Variants in MLKL observed in about 807,000 individuals in gnomAD.
MLKL encodes the protein mixed lineage kinase domain like pseudokinase.
MLKL carries 55 observed loss-of-function variants against 56.5 expected under a neutral mutation model. The ratio of observed to expected loss-of-function variants is 0.97; its 90% CI spans 0.78 to 1.22. MLKL has a LOEUF of 1.22. MLKL is among the 50% of genes most tolerant of loss of function. The pLI is 0.00. For synonymous variants in MLKL, 251 were observed against 208.3 expected, an observed-to-expected ratio of 1.20 and a Z score of -1.76; for missense variants, 694 against 573.9, an observed-to-expected ratio of 1.21 and a Z score of -2.14.
intron 4 of MLKL, among the ~76,000 whole-genome samples, chr16:74,688,272 C>T (rs1567612402): frequency 6.6e-6 from 1 of 152,164 alleles, no homozygotes; most frequent in Non-Finnish European, 1.5e-5. Context: ...GCCAGGCCAG[C>T]ACAGTCTTTT....
intron 4 of MLKL, among the ~76,000 whole-genome samples, chr16:74,689,631 A>C (rs955747302): frequency 6.6e-6 from 1 of 152,182 alleles, no homozygotes; most frequent in Admixed American, 6.6e-5. Context: ...CAGATATCGA[A>C]ATTTACTGCA....
At chr16:74,672,890 C>T (rs1410576425) in intron 10 of MLKL, among the ~76,000 whole-genome samples, 1 of 152,178 alleles carries the variant, frequency 6.6e-6, no homozygotes, top group Non-Finnish European at 1.5e-5. Flanking sequence ...GTATAAATCA[C>T]TGTTGGCTTC....
At chr16:74,675,252 A>G (rs1428387507) in intron 9 of MLKL, 103 bp downstream of exon 9, 15 of 1,582,636 alleles carry the variant, frequency 9.5e-6, no homozygotes, top group East Asian at 2.2e-5. Context: ...CAGTTCCCAC[A>G]TTAAACAACA....
chr16:74,678,443 T>C (rs1959740114), intron 7 of MLKL: 1 of 169,110 alleles, frequency 5.9e-6, no homozygotes, highest in Non-Finnish European at 1.3e-5. Flanking sequence ...ACACAGAAAG[T>C]TGAAGTTAGT....
At chr16:74,693,703 AC>A in intron 2 of MLKL, among the ~76,000 whole-genome samples, 1 of 148,916 alleles carries the variant, frequency 6.7e-6, no homozygotes, top group African/African-American at 2.5e-5. Context: ...CGCGGGGTTC[AC>A]GCCATTCCCC....
chr16:74,679,735 C>A (rs1311820270), intron 6 of MLKL, among the ~76,000 whole-genome samples: 3 of 152,024 alleles, frequency 2.0e-5, no homozygotes, highest in East Asian at 1.9e-4. Context: ...GAATCACTTG[C>A]ACCCAGGAGG....
At chr16:74,675,842 A>G (rs1158549045) in intron 7 of MLKL, 78 bp from the exon 8 acceptor site, 1 of 1,423,988 alleles carries the variant, frequency 7.0e-7, no homozygotes, top group Non-Finnish European at 9.7e-7. Context: ...GTTGCTACAC[A>G]CAATTGCCAG....
rs1960058160 is a variant in MLKL, at chr16:74,682,673, C to G, written c.934G>C (p.Gly312Arg). The part of the protein sequence containing the change: ...TLGKRMVLVL[G>R]AARGLYRLHH... The stretch of plus-strand genomic sequence containing the variant: ...TACCGGTATAGGCCTCGGGCTGCCC[C>G]CAGGACTAGGACCATGCGCTTGCCA... The change falls in exon 6 of 11, where the codon GGG becomes CGG. Residue 312 changes from glycine (G) to arginine (R), a missense_variant. Gly to Arg is a moderately radical substitution (Grantham distance 125, BLOSUM62 -2). Transcript: ENST00000308807. 1.9e-5 allele frequency: 31 copies of G among 1,614,040 alleles called. No individual in the cohort carries two copies. The highest frequency in any genetic ancestry group is 2.5e-5 in the Non-Finnish European group (30 of 1,180,032).
At chr16:74,688,028 A>G (rs554256445) in intron 4 of MLKL, among the ~76,000 whole-genome samples, 196 of 152,264 alleles carry the variant, frequency 1.3e-3, no homozygotes, top group Middle Eastern at 3.4e-3. Context: ...GTTTCACCAT[A>G]TTAGCCAGGA....
chr16:74,695,820 C>G (rs1961005130), intron 1 of MLKL, 61 bp from the exon 2 acceptor site: 1 of 1,424,082 alleles, frequency 7.0e-7, no homozygotes, highest in Non-Finnish European at 9.4e-7. Flanking sequence ...CACTACTTGG[C>G]TAAGAAAGAA....
chr16:74,678,808 C>T (rs1959763848), intron 7 of MLKL, 91 bp downstream of exon 7: 2 of 908,400 alleles, frequency 2.2e-6, no homozygotes, highest in African/African-American at 1.7e-5. Context: ...TAAACTAAGA[C>T]AAGAATCAAG....
In MLKL at chr16:74,692,354, T is replaced by C; in HGVS notation, c.523A>G (p.Thr175Ala). The C allele has an allele frequency of 1.9e-6, 3 of 1,613,602 alleles. No homozygotes were observed. Among genetic ancestry groups the C allele is most frequent in the Non-Finnish European group, 2.5e-6 (3 of 1,179,878 alleles). Residue 175 changes from threonine (T) to alanine (A), a missense_variant, in exon 3 of 11, where the codon ACT becomes GCT. Thr to Ala is a moderately conservative substitution (Grantham distance 58, BLOSUM62 0). Transcript: ENST00000308807. ...CATGATAACTTACACTGCCTCAAAG[T>C]TTCCTTGATTTCTTTCATGTTGATT... ...LEINMKEIKE[T>A]LRQYLPPKCM...
At chr16:74,695,958 G>C (rs1012603508) in intron 1 of MLKL, among the ~76,000 whole-genome samples, 199 bp from the exon 2 acceptor site, 1 of 152,226 alleles carries the variant, frequency 6.6e-6, no homozygotes, top group Non-Finnish European at 1.5e-5. Flanking sequence ...GCTGGGAAGA[G>C]CTGGTCCAGC....
chr16:74,700,081 A>G (rs546570701), intron 1 of MLKL, among the ~76,000 whole-genome samples: 13 of 152,212 alleles, frequency 8.5e-5, no homozygotes, highest in Non-Finnish European at 1.9e-4. Context: ...AAAATAAAAA[A>G]TAAAAATAAA....
chr16:74,685,064 A>G (rs972792001), intron 5 of MLKL, among the ~76,000 whole-genome samples: 1 of 152,072 alleles, frequency 6.6e-6, no homozygotes, highest in African/African-American at 2.4e-5. Flanking sequence ...GGGTTTCACC[A>G]TGTTGGCTGG....
At chr16:74,694,976 T>C (rs1459845990) in intron 2 of MLKL, among the ~76,000 whole-genome samples, 2 of 152,078 alleles carry the variant, frequency 1.3e-5, no homozygotes, top group Non-Finnish European at 2.9e-5. Flanking sequence ...GGGTTCACGC[T>C]GTTCTCCTGC....
chr16:74,673,701 C>G (rs1567597218), intron 10 of MLKL, among the ~76,000 whole-genome samples: 1 of 151,340 alleles, frequency 6.6e-6, no homozygotes, highest in African/African-American at 2.4e-5. Context: ...GGAAGGAAGG[C>G]AGACAAGGAG....
At chr16:74,686,603 T>A (rs370898401) in intron 4 of MLKL, among the ~76,000 whole-genome samples, 3 of 152,154 alleles carry the variant, frequency 2.0e-5, no homozygotes, top group Non-Finnish European at 1.5e-5. Context: ...CAAAAAAAGA[T>A]ATTTATTAAG....
intron 5 of MLKL, among the ~76,000 whole-genome samples, chr16:74,683,905 T>C (rs376931399): frequency 3.3e-5 from 5 of 152,262 alleles, no homozygotes; most frequent in African/African-American, 1.2e-4. Context: ...ACCTCAGCGG[T>C]CCCCAAGGAG....
Sources: gnomAD v4.1 joint callset for allele counts (sites outside exome capture counted in the v4.1 genomes callset) on GRCh38, gnomAD v4.1.1 for gene constraint, MANE v1.5 for transcripts, NCBI Gene and HGNC (gene_info 2026-07-23, HGNC 2026-07-21) for gene names.